Variants in CNTN1 observed in about 807,000 individuals in gnomAD.
The protein encoded by CNTN1 is contactin 1.
In CNTN1, 38 loss-of-function variants were observed where a neutral mutation model predicts 126.4. The observed-to-expected ratio is 0.30, with a 90% confidence interval of 0.23 to 0.39. The LOEUF (loss-of-function observed/expected upper bound fraction) is 0.39, where lower values mean the gene tolerates loss of function less well. CNTN1 is among the 10% of genes least tolerant of loss of function. The probability of loss-of-function intolerance (pLI) is 1.00; values close to 1 mark genes in which losing one functional copy is unlikely to be tolerated. For synonymous variants in CNTN1, 413 were observed against 422.6 expected (o/e 0.98, Z 0.28); for missense variants, 1,009 against 1,248.4 (o/e 0.81, Z 2.89).
At chr12:40,994,845 A>G (rs549127513) in intron 17 of CNTN1, among the ~76,000 whole-genome samples, 2 of 152,212 alleles carry the variant, frequency 1.3e-5, no homozygotes, top group East Asian at 1.9e-4. Flanking sequence ...TCTAATAAAG[A>G]TTCATATAAA....
intron 1 of CNTN1, among the ~76,000 whole-genome samples, chr12:40,870,769 C>A (rs1943458772): frequency 6.6e-6 from 1 of 151,992 alleles, no homozygotes; most frequent in Non-Finnish European, 1.5e-5. Context: ...CATACCAACC[C>A]AAACACACCG....
chr12:40,750,078 TGAATTGGTTCA>T (rs1160336198), intron 1 of CNTN1, among the ~76,000 whole-genome samples: 1 of 152,060 alleles, frequency 6.6e-6, no homozygotes, highest in African/African-American at 2.4e-5. Context: ...TAAGCCTGAT[TGAATTGGTTCA>T]GAAGAATGAG....
chr12:41,060,538 T>C (rs1044215159), intron 23 of CNTN1, among the ~76,000 whole-genome samples: 1 of 152,202 alleles, frequency 6.6e-6, no homozygotes, highest in African/African-American at 2.4e-5. Flanking sequence ...TGCCAGTCTT[T>C]CTAACTTTGA....
chr12:40,900,797 T>A (rs952381982), intron 1 of CNTN1, among the ~76,000 whole-genome samples: 1 of 152,212 alleles, frequency 6.6e-6, no homozygotes, highest in Non-Finnish European at 1.5e-5. Flanking sequence ...AGGGCAAAGC[T>A]ATATTTTAGG....
chr12:40,906,669 C>CT (rs111442544), intron 1 of CNTN1, among the ~76,000 whole-genome samples: 3,429 of 107,378 alleles, frequency 0.032, 268 homozygotes, highest in African/African-American at 0.11. Flanking sequence ...GTTTTTCATG[C>CT]TTTTTTTTTG....
Position 40,939,394 on chromosome 12 carries a change from G to T in CNTN1, c.1288G>T (p.Gly430Ter). 1.2e-6 allele frequency: 2 copies of T among 1,613,948 alleles called. No homozygotes were observed. The highest frequency in any genetic ancestry group is 1.7e-6 in the Non-Finnish European group (2 of 1,179,946). The stretch of plus-strand genomic sequence containing the variant: ...GAAAAAGATCCTGGCTGCTAAAGGT[G>T]GAAGGGTGATAATTGAATGCAAACC... Reference protein sequence around the residue: ...MKKKILAAKGGRVIIECKPKA... With the variant: ...MKKKILAAKG The change falls in exon 12 of 24, where the codon GGA becomes TGA. Residue 430 changes from glycine to a stop codon, truncating the protein, a stop_gained. Transcript: ENST00000551295. LOFTEE classifies it high-confidence loss of function.
chr12:40,762,121 A>T (rs923569809), intron 1 of CNTN1, among the ~76,000 whole-genome samples: 1 of 152,218 alleles, frequency 6.6e-6, no homozygotes, highest in African/African-American at 2.4e-5. Flanking sequence ...ACAAGTAAGT[A>T]TATATTTAAA....
intron 17 of CNTN1, among the ~76,000 whole-genome samples, chr12:40,999,212 G>T (rs1037919740): frequency 1.3e-5 from 2 of 152,004 alleles, no homozygotes; most frequent in African/African-American, 4.8e-5. Context: ...CATCATAAGG[G>T]AATTACTATT....
chr12:40,993,546 G>GA lies in CNTN1; in HGVS notation c.2113+280dup, dbSNP rs35947533. 0.26 allele frequency among the ~76,000 whole-genome samples: 39,438 copies of GA among 151,732 alleles called. 5,553 individuals carry two copies. The highest frequency in any genetic ancestry group is 0.37 in the African/African-American group (15,446 of 41,346). Reference sequence around the variant, plus strand: ...GAGGAAGAGGTGAATAGGAACTACTGAAATGCCACTGGAGACCATTGGAAT... The same window carrying GA: ...GAGGAAGAGGTGAATAGGAACTACTGAAAATGCCACTGGAGACCATTGGAAT... On this transcript the variant is annotated intron_variant, in intron 17 of 23. Coordinates refer to ENST00000551295, the MANE Select transcript of CNTN1 (RefSeq NM_001843.4).
chr12:40,905,393 A>T (rs1382674391), intron 1 of CNTN1, among the ~76,000 whole-genome samples: 3 of 152,202 alleles, frequency 2.0e-5, no homozygotes, highest in Non-Finnish European at 4.4e-5. Flanking sequence ...ATTGCTCTTA[A>T]TTCTTCACCT....
chr12:40,752,611 A>T (rs936265827), intron 1 of CNTN1, among the ~76,000 whole-genome samples: 1 of 152,096 alleles, frequency 6.6e-6, no homozygotes, highest in African/African-American at 2.4e-5. Context: ...CCAACTTCAA[A>T]TAAGACAATT....
At chr12:40,898,064 T>C (rs1565903762) in intron 1 of CNTN1, among the ~76,000 whole-genome samples, 1 of 152,178 alleles carries the variant, frequency 6.6e-6, no homozygotes. Context: ...CTGGATCTGC[T>C]TGCCAAGTAT....
chr12:40,856,993 C>T (rs1038778511), intron 1 of CNTN1, among the ~76,000 whole-genome samples: 2 of 152,192 alleles, frequency 1.3e-5, no homozygotes, highest in South Asian at 4.1e-4. Context: ...ATATAACACA[C>T]TGGACATTAT....
chr12:40,696,871 T>A (rs1245513136), intron 1 of CNTN1, among the ~76,000 whole-genome samples: 1 of 152,228 alleles, frequency 6.6e-6, no homozygotes, highest in Non-Finnish European at 1.5e-5. Flanking sequence ...AATCTTCTAG[T>A]CTTATTTCTA....
intron 1 of CNTN1, among the ~76,000 whole-genome samples, chr12:40,719,032 T>C (rs762042355): frequency 9.2e-5 from 14 of 152,114 alleles, no homozygotes; most frequent in Non-Finnish European, 1.8e-4. Context: ...CTATTTGAGA[T>C]CAGCATTATT....
chr12:40,926,491 G>A (rs976138015), intron 6 of CNTN1, among the ~76,000 whole-genome samples: 2 of 152,030 alleles, frequency 1.3e-5, no homozygotes, highest in Non-Finnish European at 2.9e-5. Flanking sequence ...AGGACCTTAT[G>A]ATCCATAACA....
At chr12:40,766,320 G>A (rs1319543661) in intron 1 of CNTN1, among the ~76,000 whole-genome samples, 1 of 146,282 alleles carries the variant, frequency 6.8e-6, no homozygotes, top group Admixed American at 7.0e-5. Flanking sequence ...TCATGCCACT[G>A]TACTCCAGCC....
intron 1 of CNTN1, among the ~76,000 whole-genome samples, chr12:40,693,488 A>G (rs1315798638): frequency 2.6e-5 from 4 of 152,334 alleles, no homozygotes; most frequent in Non-Finnish European, 4.4e-5. Context: ...AGCAGTAGGC[A>G]GAAGAATTGC....
intron 1 of CNTN1, among the ~76,000 whole-genome samples, chr12:40,781,929 T>C (rs1939821061): frequency 6.6e-6 from 1 of 152,008 alleles, no homozygotes; most frequent in African/African-American, 2.4e-5. Flanking sequence ...TAACTGAGAT[T>C]TGGAAATTTA....
Sources: allele counts gnomAD v4.1 joint callset (sites outside exome capture counted in the v4.1 genomes callset), GRCh38; gene constraint gnomAD v4.1.1; transcripts MANE v1.5; gene names NCBI Gene and HGNC (gene_info 2026-07-23, HGNC 2026-07-21).